OPCML: variants seen among roughly 807,000 people sequenced by gnomAD.
The protein encoded by OPCML is opioid binding protein/cell adhesion molecule like.
A neutral mutation model predicts 37.8 loss-of-function variants in OPCML; 13 were observed. The ratio of observed to expected loss-of-function variants is 0.34; its 90% CI spans 0.22 to 0.55. OPCML has a LOEUF of 0.55. Ranked by LOEUF, OPCML falls within the 20% of genes least tolerant of loss-of-function variation. OPCML has a pLI of 0.91. For synonymous variants in OPCML, 176 were observed against 168.8 expected (o/e 1.04, Z -0.33); for missense variants, 341 against 435.6 (o/e 0.78, Z 1.93).
chr11:133,317,950 G>A (rs764715395), intron 1 of OPCML, among the ~76,000 whole-genome samples: 2 of 152,108 alleles, frequency 1.3e-5, no homozygotes, highest in Non-Finnish European at 1.5e-5. Flanking sequence ...ACATCGAAGC[G>A]CTTCATGAGC....
chr11:133,461,561 C>T (rs920331620), intron 1 of OPCML, among the ~76,000 whole-genome samples: 3 of 151,630 alleles, frequency 2.0e-5, no homozygotes, highest in African/African-American at 4.8e-5. Flanking sequence ...ATCAGTAAAA[C>T]CAAGAGTAAA....
chr11:133,451,685 A>C (rs1399599216), intron 1 of OPCML, among the ~76,000 whole-genome samples: 1 of 151,388 alleles, frequency 6.6e-6, no homozygotes, highest in Non-Finnish European at 1.5e-5. Flanking sequence ...TCTACTAAAA[A>C]TACAAAAATT....
intron 1 of OPCML, among the ~76,000 whole-genome samples, chr11:133,481,377 C>A (rs569329922): frequency 6.6e-6 from 1 of 151,970 alleles, no homozygotes; most frequent in Non-Finnish European, 1.5e-5. Flanking sequence ...CACAGCTTCC[C>A]AGGGGCAGAC....
intron 2 of OPCML, among the ~76,000 whole-genome samples, chr11:132,832,468 G>A (rs969466372): frequency 1.3e-5 from 2 of 152,020 alleles, no homozygotes; most frequent in African/African-American, 4.8e-5. Flanking sequence ...GCTTATCTGG[G>A]CCATGAACAG....
chr11:132,512,348 C>G (rs1482165976), intron 4 of OPCML, among the ~76,000 whole-genome samples: 1 of 151,958 alleles, frequency 6.6e-6, no homozygotes, highest in Non-Finnish European at 1.5e-5. Context: ...CAATTCTGCT[C>G]CTAAGTATTT....
intron 1 of OPCML, among the ~76,000 whole-genome samples, chr11:133,136,829 G>A (rs1202335351): frequency 2.5e-3 from 11 of 4,462 alleles, no homozygotes; most frequent in Middle Eastern, 0.1. Flanking sequence ...CTATGTGCAC[G>A]TGTGTGTGTG....
At chr11:132,628,227 G>A (rs1939864431) in intron 3 of OPCML, among the ~76,000 whole-genome samples, 1 of 151,924 alleles carries the variant, frequency 6.6e-6, no homozygotes, top group Non-Finnish European at 1.5e-5. Context: ...GAAGGAGAGA[G>A]CCAGAGCCAC....
Position 132,489,933 on chromosome 11 carries a change from A to G in OPCML, c.505+39128T>C, listed in dbSNP as rs138611081. 7.9e-3 allele frequency among the ~76,000 whole-genome samples: 1,202 copies of G among 152,264 alleles called. 17 individuals carry two copies. The highest frequency in any genetic ancestry group is 0.027 in the African/African-American group (1,126 of 41,536). ...TCAGCTCCCATTTATGAGTGAGAAC[A>G]TGCAGTGTTTGGTTTTCTGTTATTG... On this transcript the variant is annotated intron_variant, in intron 4 of 7. Transcript: ENST00000524381.
At chr11:132,498,837 G>A (rs1371892387) in intron 4 of OPCML, among the ~76,000 whole-genome samples, 2 of 152,128 alleles carry the variant, frequency 1.3e-5, no homozygotes, top group African/African-American at 2.4e-5. Context: ...TTATTGAAAT[G>A]GGACACTGTA....
intron 3 of OPCML, among the ~76,000 whole-genome samples, chr11:132,545,829 C>G (rs551607090): frequency 6.6e-6 from 1 of 152,160 alleles, no homozygotes; most frequent in African/African-American, 2.4e-5. Flanking sequence ...AGTGCCCTAT[C>G]CACAGAATGT....
At chr11:132,768,037 C>G (rs953782089) in intron 2 of OPCML, among the ~76,000 whole-genome samples, 2 of 152,154 alleles carry the variant, frequency 1.3e-5, no homozygotes, top group African/African-American at 2.4e-5. Flanking sequence ...GACACAGTCT[C>G]AAAGAGATGG....
intron 1 of OPCML, chr11:133,007,502 A>G: frequency 2.0e-6 from 2 of 985,456 alleles, no homozygotes; most frequent in Non-Finnish European, 2.4e-6. Context: ...CTGTCCTTAG[A>G]CAGAATCTCT....
At position 132,943,591 on chromosome 11, in the gene OPCML, C is replaced by T. The variant is rs1945659509; in HGVS notation, c.62-581G>A. The T allele has an allele frequency of 6.1e-6, 1 of 163,392 alleles. No individual in the cohort carries two copies. Among genetic ancestry groups the T allele is most frequent in the African/African-American group, 2.4e-5 (1 of 41,832 alleles). The allele number at this position is 163,392 out of a possible 1,614,324, so 10.1% of individuals were successfully genotyped here. On this transcript the variant is annotated intron_variant, in intron 1 of 7. Coordinates refer to ENST00000524381, the MANE Select transcript of OPCML (RefSeq NM_001012393.5). The surrounding 1 kb of genome is among the most constrained non-coding windows in gnomAD (Gnocchi z 4.3). ...GAGGAGGAAATGGTTTATTAGATCACACACATGGACAGATGTACGTGTCCC... is the reference window on the plus strand; with the variant it reads ...GAGGAGGAAATGGTTTATTAGATCATACACATGGACAGATGTACGTGTCCC...
At chr11:132,600,481 A>G (rs2137772363) in intron 3 of OPCML, among the ~76,000 whole-genome samples, 1 of 152,330 alleles carries the variant, frequency 6.6e-6, no homozygotes, top group East Asian at 1.9e-4. Flanking sequence ...TTTATTTTGT[A>G]TGAGAGGGGC....
intron 1 of OPCML, among the ~76,000 whole-genome samples, chr11:133,523,747 G>A (rs1324006833): frequency 6.6e-6 from 1 of 152,164 alleles, no homozygotes; most frequent in African/African-American, 2.4e-5. Flanking sequence ...AGTCAGGTGG[G>A]AGAATGTGCT....
chr11:133,231,438 C>G (rs78643950), intron 1 of OPCML, among the ~76,000 whole-genome samples: 1 of 152,264 alleles, frequency 6.6e-6, no homozygotes, highest in Admixed American at 6.5e-5. Context: ...CTGCACCCCA[C>G]GGTGTTTTAA....
rs1045602744 is a variant in OPCML at position 132,418,495 on chromosome 11, C to T, written c.*1698G>A. 6.6e-6 allele frequency: 1 copy of T among 152,668 alleles called. No homozygotes were observed. The highest frequency in any genetic ancestry group is 1.5e-5 in the Non-Finnish European group (1 of 68,054). The allele number at this position is 152,668 out of a possible 1,614,324, so 9.5% of individuals were successfully genotyped here. A position where few individuals can be genotyped will look rare whatever the true frequency, so the allele number is the denominator to read the frequency against. The stretch of plus-strand genomic sequence containing the variant: ...GGAGAAGCAGCTGCATCAGAGGAAA[C>T]TGTGTCACTGACACTTTCTCCCTTC... On this transcript the variant is annotated 3_prime_UTR_variant, in exon 8 of 8. Transcript: ENST00000524381.
At chr11:133,430,347 G>A (rs1290035282) in intron 1 of OPCML, among the ~76,000 whole-genome samples, 1 of 152,156 alleles carries the variant, frequency 6.6e-6, no homozygotes, top group Non-Finnish European at 1.5e-5. Context: ...GAAGAAGTTG[G>A]CACTACAGGC....
intron 1 of OPCML, among the ~76,000 whole-genome samples, chr11:133,494,343 C>G (rs1947733183): frequency 6.6e-6 from 1 of 151,636 alleles, no homozygotes; most frequent in Admixed American, 6.6e-5. Flanking sequence ...ACTAGAAATA[C>G]CATTTGACCC....
Sources: allele counts gnomAD v4.1 joint callset (sites outside exome capture counted in the v4.1 genomes callset), GRCh38; gene constraint gnomAD v4.1.1; non-coding constraint Gnocchi (gnomAD v3.1); transcripts MANE v1.5; gene names NCBI Gene and HGNC (gene_info 2026-07-23, HGNC 2026-07-21).